Variants in FARS2 observed in about 807,000 individuals in gnomAD.
FARS2 encodes the protein phenylalanyl-tRNA synthetase 2, mitochondrial, also known as phenylalanine--tRNA ligase, mitochondrial.
In FARS2, 40 loss-of-function variants were observed where a neutral mutation model predicts 46.4. That is an observed-to-expected ratio of 0.86 (90% CI 0.67 to 1.12). The LOEUF (loss-of-function observed/expected upper bound fraction) is 1.12. Ranked by LOEUF, FARS2 falls within the 50% of genes most tolerant of loss-of-function variation. FARS2 has a pLI of 0.00. For synonymous variants in FARS2, 234 were observed against 214.9 expected, an observed-to-expected ratio of 1.09 and a Z score of -0.78; for missense variants, 513 against 567.9, an observed-to-expected ratio of 0.90 and a Z score of 0.98.
the FARS2 span, among the ~76,000 whole-genome samples, chr6:5,253,637 G>C: frequency 6.6e-6 from 1 of 152,128 alleles, no homozygotes; most frequent in Non-Finnish European, 1.5e-5. Flanking sequence ...AAGGAGACGA[G>C]AGCCTTGAAG....
intron 5 of FARS2, among the ~76,000 whole-genome samples, chr6:5,578,794 G>A (rs1773141704): frequency 7.3e-6 from 1 of 136,120 alleles, no homozygotes; most frequent in African/African-American, 2.8e-5. Flanking sequence ...GGAAGACAGA[G>A]CGGCACTCCG....
chr6:5,355,390 T>G lies in FARS2; in HGVS notation c.-21-13160T>G, dbSNP rs1457669310. Among the ~76,000 whole-genome samples the G allele has an allele frequency of 5.9e-3, 890 of 150,148 alleles. 28 individuals are homozygous for G. Among genetic ancestry groups the G allele is most frequent in the Admixed American group, 0.037 (559 of 14,912 alleles). On this transcript the variant is annotated intron_variant, in intron 1 of 6. Transcript: ENST00000274680. ...TTCCTTTTTGTTTTTTTTTTTTTTT[T>G]GAGACAGTCTCACTCTGTCACCCAG...
At chr6:5,579,437 C>T (rs1280281083) in intron 5 of FARS2, among the ~76,000 whole-genome samples, 5 of 152,042 alleles carry the variant, frequency 3.3e-5, no homozygotes, top group Non-Finnish European at 7.4e-5. Context: ...CCACACCCAG[C>T]TAATTTTTGT....
intron 1 of FARS2, among the ~76,000 whole-genome samples, chr6:5,366,020 C>T (rs1051029930): frequency 4.6e-5 from 7 of 151,480 alleles, no homozygotes; most frequent in Non-Finnish European, 1.0e-4. Flanking sequence ...ATAGGGGAGG[C>T]GGAAGGGGAG....
intron 3 of FARS2, among the ~76,000 whole-genome samples, chr6:5,425,580 G>C (rs1304055122): frequency 6.6e-6 from 1 of 152,162 alleles, no homozygotes; most frequent in East Asian, 1.9e-4. Flanking sequence ...GAAGTCGGGA[G>C]GCTGGTACAC....
chr6:5,372,225 A>C (rs772388139), intron 2 of FARS2, among the ~76,000 whole-genome samples: 1 of 152,178 alleles, frequency 6.6e-6, no homozygotes, highest in Non-Finnish European at 1.5e-5. Flanking sequence ...CCTTGGTCAG[A>C]AACCAATGGG....
chr6:5,463,098 G>A (rs954968254), intron 4 of FARS2, among the ~76,000 whole-genome samples: 9 of 152,198 alleles, frequency 5.9e-5, no homozygotes, highest in Admixed American at 3.9e-4. Flanking sequence ...GCTGGAGGCC[G>A]GACCCTGGGC....
chr6:5,719,666 G>A (rs1759762488), intron 6 of FARS2, among the ~76,000 whole-genome samples: 1 of 152,146 alleles, frequency 6.6e-6, no homozygotes, highest in Admixed American at 6.5e-5. Flanking sequence ...AGAAGTTCCA[G>A]GGATGCGGCC....
chr6:5,253,016 T>A, the FARS2 span, among the ~76,000 whole-genome samples: 1 of 152,216 alleles, frequency 6.6e-6, no homozygotes, highest in African/African-American at 2.4e-5. Context: ...GACCAGCTCC[T>A]TTCTATGGCC....
intron 2 of FARS2, among the ~76,000 whole-genome samples, chr6:5,399,853 C>T (rs1160068352): frequency 6.6e-6 from 1 of 152,044 alleles, no homozygotes; most frequent in Non-Finnish European, 1.5e-5. Flanking sequence ...ATAGGTAGAC[C>T]ATAGTTTATT....
intron 6 of FARS2, among the ~76,000 whole-genome samples, chr6:5,613,865 C>T (rs1293376042): frequency 6.6e-6 from 1 of 152,086 alleles, no homozygotes; most frequent in Non-Finnish European, 1.5e-5. Context: ...TGGGTGTCAT[C>T]AAAAAACTAA....
At chr6:5,667,955 A>G (rs2326634) in intron 6 of FARS2, 61,710 of 152,128 alleles carry the variant, frequency 0.41, 13,561 homozygotes, top group Non-Finnish European at 0.5. Flanking sequence ...TTTGTGTGTG[A>G]TGTGTGGGTT....
In FARS2 at chr6:5,716,512, C is replaced by T. The variant is rs186190798; in HGVS notation, c.1218-54779C>T. On this transcript the variant is annotated intron_variant, in intron 6 of 6. Transcript: ENST00000274680. The stretch of plus-strand genomic sequence containing the variant: ...GGCCAGATGTACAGGGATTTCTCCC[C>T]GCCAACAAGCAAGCAATCAGTTCTG... Among the ~76,000 whole-genome samples, 743 of 152,276 alleles carry T rather than the reference C, an allele frequency of 4.9e-3. 7 individuals are homozygous for T. The highest frequency in any genetic ancestry group is 0.017 in the African/African-American group (710 of 41,542).
At chr6:5,527,332 C>T (rs2150444124) in intron 4 of FARS2, among the ~76,000 whole-genome samples, 1 of 152,358 alleles carries the variant, frequency 6.6e-6, no homozygotes, top group South Asian at 2.1e-4. Context: ...AATTTTGGCT[C>T]AGAGGATTTA....
intron 6 of FARS2, among the ~76,000 whole-genome samples, chr6:5,633,338 C>T (rs1291223172): frequency 3.2e-5 from 4 of 125,852 alleles, no homozygotes; most frequent in Admixed American, 1.1e-4. Context: ...TGCAGTGGTG[C>T]GATCTCAGCT....
chr6:5,287,685 C>T (rs1767220511), intron 1 of FARS2, among the ~76,000 whole-genome samples: 1 of 152,236 alleles, frequency 6.6e-6, no homozygotes, highest in Non-Finnish European at 1.5e-5. Context: ...TCATAGAATG[C>T]CACAAATTCT....
intron 6 of FARS2, among the ~76,000 whole-genome samples, chr6:5,699,510 A>ATT (rs376040816): frequency 9.1e-5 from 13 of 142,534 alleles, no homozygotes; most frequent in African/African-American, 3.1e-4. Flanking sequence ...ATCACAGGAG[A>ATT]TTTTTTTTTT....
At chr6:5,711,531 T>G (rs1259437008) in intron 6 of FARS2, among the ~76,000 whole-genome samples, 1 of 151,956 alleles carries the variant, frequency 6.6e-6, no homozygotes, top group Non-Finnish European at 1.5e-5. Context: ...ACGTCAAGAG[T>G]GAAGCCAGGC....
At chr6:5,715,524 G>A (rs1759442706) in intron 6 of FARS2, among the ~76,000 whole-genome samples, 1 of 152,068 alleles carries the variant, frequency 6.6e-6, no homozygotes, top group Non-Finnish European at 1.5e-5. Flanking sequence ...TCTACTTGCT[G>A]TTTCTACAAT....
Sources: allele counts gnomAD v4.1 joint callset (sites outside exome capture counted in the v4.1 genomes callset), GRCh38; gene constraint gnomAD v4.1.1; transcripts MANE v1.5; gene names NCBI Gene and HGNC (gene_info 2026-07-23, HGNC 2026-07-21).